PTN: variants seen among roughly 807,000 people sequenced by gnomAD.
The protein encoded by PTN is pleiotrophin, also known as heparin affin regulatory protein.
A neutral mutation model predicts 24.1 loss-of-function variants in PTN; 18 were observed. That is an observed-to-expected ratio of 0.75 (90% CI 0.52 to 1.11). PTN has a LOEUF of 1.11. Among genes scored for constraint, PTN ranks in the 50% least tolerant of loss-of-function variants. The probability of loss-of-function intolerance (pLI) is 0.00; values close to 1 mark genes in which losing one functional copy is unlikely to be tolerated. For synonymous variants in PTN, 78 were observed against 68.6 expected (o/e 1.14, Z -0.67); for missense variants, 163 against 198.8 (o/e 0.82, Z 1.08).
In PTN at chr7:137,239,901, T is replaced by A. The variant is rs796887482; in HGVS notation, c.451+11329A>T. Among the ~76,000 whole-genome samples, 3 of 152,146 alleles carry A rather than the reference T, an allele frequency of 2.0e-5. No individual in the cohort carries two copies. In the South Asian group the frequency reaches 6.2e-4, roughly 32 times the overall value. On this transcript the variant is annotated intron_variant, in intron 4 of 4. Transcript: ENST00000348225. ...TCAGAGGAGACCGTGACTTAATATT[T>A]GGGAAGGGAAGTCTGGCAAGTTTTA...
intron 4 of PTN, among the ~76,000 whole-genome samples, chr7:137,244,336 T>A (rs1048138147): frequency 6.6e-6 from 1 of 151,628 alleles, no homozygotes. Flanking sequence ...CTTCTTAGTA[T>A]AAAATATCAA....
At chr7:137,284,499 GTAAC>G (rs1280201417) in intron 1 of PTN, among the ~76,000 whole-genome samples, 3 of 152,064 alleles carry the variant, frequency 2.0e-5, no homozygotes, top group Non-Finnish European at 4.4e-5. Context: ...TTATCAAAGA[GTAAC>G]TAAAAGATCA....
At chr7:137,287,976 T>C (rs776440908) in intron 1 of PTN, among the ~76,000 whole-genome samples, 20 of 152,196 alleles carry the variant, frequency 1.3e-4, no homozygotes, top group Non-Finnish European at 2.8e-4. Context: ...TAAGCAAAGC[T>C]AATTTTATTA....
intron 1 of PTN, among the ~76,000 whole-genome samples, chr7:137,273,441 C>CA (rs1348830220): frequency 3.3e-5 from 5 of 152,146 alleles, no homozygotes; most frequent in Admixed American, 3.3e-4. Flanking sequence ...TTCAGCATGG[C>CA]TGGGGAAGCT....
chr7:137,284,930 G>A (rs322255), intron 1 of PTN, among the ~76,000 whole-genome samples: 150,627 of 152,304 alleles, frequency 0.99, 74,498 homozygotes, highest in East Asian at 1. Flanking sequence ...ATTAACATCT[G>A]AGAATAACTT....
At chr7:137,305,607 C>T (rs1045661125) in intron 1 of PTN, among the ~76,000 whole-genome samples, 47 of 152,002 alleles carry the variant, frequency 3.1e-4, no homozygotes, top group African/African-American at 1.1e-3. Flanking sequence ...TGCATTCTTC[C>T]TCTTATTTCA....
intron 1 of PTN, among the ~76,000 whole-genome samples, chr7:137,264,933 G>A (rs1277926327): frequency 1.3e-5 from 2 of 151,596 alleles, no homozygotes; most frequent in Non-Finnish European, 2.9e-5. Flanking sequence ...CACTGGCCTT[G>A]GCCAGGACCT....
At chr7:137,297,724 C>T (rs1430804414) in intron 1 of PTN, among the ~76,000 whole-genome samples, 1 of 151,944 alleles carries the variant, frequency 6.6e-6, no homozygotes, top group Admixed American at 6.6e-5. Context: ...CTCCATTGGC[C>T]AAAGCAAAGC....
intron 4 of PTN, among the ~76,000 whole-genome samples, chr7:137,237,874 G>GT (rs1292121635): frequency 2.0e-5 from 3 of 152,180 alleles, no homozygotes; most frequent in East Asian, 1.9e-4. Context: ...ATCTGAAAAT[G>GT]TTTTTTTCTA....
At chr7:137,237,533 A>G (rs1039344178) in intron 4 of PTN, among the ~76,000 whole-genome samples, 4 of 152,228 alleles carry the variant, frequency 2.6e-5, no homozygotes, top group African/African-American at 7.2e-5. Context: ...GTTATTTTTA[A>G]ATTTGTCCTC....
chr7:137,334,094 A>G (rs1255719868), intron 1 of PTN, among the ~76,000 whole-genome samples: 4 of 152,190 alleles, frequency 2.6e-5, no homozygotes, highest in African/African-American at 9.7e-5. Flanking sequence ...AAACCCTAGA[A>G]GAAAACTTAG....
At chr7:137,316,825 A>T (rs1810080624) in intron 1 of PTN, among the ~76,000 whole-genome samples, 1 of 152,120 alleles carries the variant, frequency 6.6e-6, no homozygotes, top group African/African-American at 2.4e-5. Flanking sequence ...ACAGGGCTGC[A>T]CTCATGAGGT....
intron 1 of PTN, among the ~76,000 whole-genome samples, chr7:137,255,907 T>C (rs552589586): frequency 1.3e-5 from 2 of 152,346 alleles, no homozygotes; most frequent in African/African-American, 4.8e-5. Context: ...CCATCTGCTG[T>C]GTTAGTGGTG....
chr7:137,255,565 G>A (rs145344368), intron 1 of PTN, among the ~76,000 whole-genome samples: 10 of 152,258 alleles, frequency 6.6e-5, no homozygotes, highest in African/African-American at 2.2e-4. Flanking sequence ...AACAAAGAGT[G>A]AATCCCAGAA....
chr7:137,274,033 GCACACA>G (rs10555048), intron 1 of PTN, among the ~76,000 whole-genome samples: 3 of 150,038 alleles, frequency 2.0e-5, no homozygotes, highest in Admixed American at 6.6e-5. Flanking sequence ...TTTCAGAAGC[GCACACA>G]CACACACACA....
chr7:137,267,439 C>T (rs184467761), intron 1 of PTN, among the ~76,000 whole-genome samples: 87 of 152,202 alleles, frequency 5.7e-4, no homozygotes, highest in African/African-American at 1.6e-3. Flanking sequence ...TGTCTATGTA[C>T]GGAAACTGGT....
intron 1 of PTN, among the ~76,000 whole-genome samples, chr7:137,268,727 T>G (rs1015813624): frequency 6.6e-6 from 1 of 152,118 alleles, no homozygotes; most frequent in African/African-American, 2.4e-5. Context: ...TCAGATCTGG[T>G]TCCTTGGTTT....
At chr7:137,278,204 G>T (rs1276607063) in intron 1 of PTN, among the ~76,000 whole-genome samples, 72 of 148,618 alleles carry the variant, frequency 4.8e-4, no homozygotes, top group African/African-American at 1.8e-3. Flanking sequence ...CTACTCGGGA[G>T]GCTGAGGCAG....
At chr7:137,305,854 A>T (rs1327135949) in intron 1 of PTN, among the ~76,000 whole-genome samples, 1 of 152,128 alleles carries the variant, frequency 6.6e-6, no homozygotes, top group African/African-American at 2.4e-5. Flanking sequence ...AATAGGACAT[A>T]GAAATAAGTG....
Sources: allele counts gnomAD v4.1 joint callset (sites outside exome capture counted in the v4.1 genomes callset), GRCh38; gene constraint gnomAD v4.1.1; transcripts MANE v1.5; gene names NCBI Gene and HGNC (gene_info 2026-07-23, HGNC 2026-07-21).